Variants in FGF12 observed in about 807,000 individuals in gnomAD.
FGF12 encodes fibroblast growth factor 12.
A neutral mutation model predicts 23.6 loss-of-function variants in FGF12; 14 were observed. The ratio of observed to expected loss-of-function variants is 0.59; its 90% CI spans 0.39 to 0.93. The LOEUF is 0.93. Among genes scored for constraint, FGF12 ranks in the 40% least tolerant of loss-of-function variants. The probability of loss-of-function intolerance (pLI) is 0.00; values close to 1 mark genes in which losing one functional copy is unlikely to be tolerated. For synonymous variants in FGF12, 62 were observed against 77.3 expected (o/e 0.80, Z 1.04); for missense variants, 175 against 217.8 (o/e 0.80, Z 1.24).
chr3:192,155,222 C>G (rs1479989769), intron 5 of FGF12, among the ~76,000 whole-genome samples: 5 of 152,158 alleles, frequency 3.3e-5, no homozygotes, highest in Non-Finnish European at 7.3e-5. Flanking sequence ...CTGGCACTCC[C>G]TAGTGAGATG....
Position 192,360,459 on chromosome 3 carries a change from A to C in FGF12, c.93T>G (p.Ile31Met). 1 of 1,612,218 alleles carries C rather than the reference A, an allele frequency of 6.2e-7. No individual in the cohort carries two copies. Among genetic ancestry groups the C allele is most frequent in the Non-Finnish European group, 8.5e-7 (1 of 1,178,318 alleles). ...CGCTGTTTTCGTCCTTGGTCCCATC[A>C]ATGGTACCATCTGGGTGCATCTGCA... ...YFLQMHPDGT[I>M]DGTKDENSDY... The change falls in exon 3 of 6, where the codon ATT becomes ATG. Residue 31 changes from isoleucine to methionine, a missense_variant. By Grantham distance (10) the Ile-to-Met change is conservative. Transcript: ENST00000445105. This position sits in a 1 kb window ranked among gnomAD's most constrained non-coding sequence, Gnocchi z 4.3.
At chr3:192,181,633 T>A (rs934599777) in intron 4 of FGF12, among the ~76,000 whole-genome samples, 1 of 149,970 alleles carries the variant, frequency 6.7e-6, no homozygotes, top group African/African-American at 2.4e-5. Context: ...TAATTTGTTT[T>A]TTTTTTTTTT....
At chr3:192,166,916 A>G (rs1358708969) in intron 5 of FGF12, among the ~76,000 whole-genome samples, 1 of 152,168 alleles carries the variant, frequency 6.6e-6, no homozygotes, top group Non-Finnish European at 1.5e-5. Context: ...AAGTGAATCA[A>G]AGTATTAGTG....
intron 3 of FGF12, among the ~76,000 whole-genome samples, chr3:192,347,648 A>G (rs1718025691): frequency 6.6e-6 from 1 of 152,142 alleles, no homozygotes; most frequent in African/African-American, 2.4e-5. Context: ...TCTTATCTAA[A>G]TTAGACTTCG....
intron 2 of FGF12, among the ~76,000 whole-genome samples, chr3:192,480,677 A>T (rs930815333): frequency 1.3e-5 from 2 of 152,172 alleles, no homozygotes; most frequent in Non-Finnish European, 2.9e-5. Flanking sequence ...CTCTCCCTAC[A>T]CTGAAGCAAC....
intron 2 of FGF12, among the ~76,000 whole-genome samples, chr3:192,564,562 C>T (rs1712194844): frequency 6.6e-6 from 1 of 152,122 alleles, no homozygotes; most frequent in Non-Finnish European, 1.5e-5. Flanking sequence ...ATTGTCTTTC[C>T]TACTGTACAA....
intron 2 of FGF12, among the ~76,000 whole-genome samples, chr3:192,565,176 T>G (rs530871779): frequency 6.6e-6 from 1 of 152,244 alleles, no homozygotes; most frequent in Non-Finnish European, 1.5e-5. Context: ...TAATGAGAGT[T>G]CCAAGAAATA....
chr3:192,378,139 C>T (rs1719653178), intron 2 of FGF12, among the ~76,000 whole-genome samples: 1 of 142,418 alleles, frequency 7.0e-6, no homozygotes, highest in Admixed American at 7.2e-5. Flanking sequence ...TTCTCAGTGT[C>T]TCACTCTGTC....
intron 2 of FGF12, among the ~76,000 whole-genome samples, chr3:192,588,815 G>A (rs1156326302): frequency 6.6e-6 from 1 of 151,868 alleles, no homozygotes; most frequent in East Asian, 1.9e-4. Flanking sequence ...GAATTCCTGG[G>A]ATTTTTCTTT....
intron 2 of FGF12, among the ~76,000 whole-genome samples, chr3:192,699,800 A>C (rs970663802): frequency 2.0e-5 from 3 of 152,212 alleles, no homozygotes; most frequent in Non-Finnish European, 2.9e-5. Flanking sequence ...TTGATGCAAG[A>C]TCTTGATGTA....
chr3:192,676,001 A>T (rs1315881322), intron 2 of FGF12, among the ~76,000 whole-genome samples: 1 of 152,208 alleles, frequency 6.6e-6, no homozygotes, highest in African/African-American at 2.4e-5. Flanking sequence ...GTCAACTGAA[A>T]CTGGAGAGAC....
At chr3:192,667,397 A>C (rs1716924787) in intron 2 of FGF12, among the ~76,000 whole-genome samples, 1 of 151,918 alleles carries the variant, frequency 6.6e-6, no homozygotes, top group Non-Finnish European at 1.5e-5. Flanking sequence ...TGAAGTCAGG[A>C]ATTGGAGACC....
chr3:192,313,443 T>C (rs116493697), intron 4 of FGF12, among the ~76,000 whole-genome samples: 2,352 of 152,296 alleles, frequency 0.015, 65 homozygotes, highest in African/African-American at 0.055. Flanking sequence ...GAGAAAACCT[T>C]TTCCCATCTA....
intron 2 of FGF12, among the ~76,000 whole-genome samples, chr3:192,436,186 C>G: frequency 6.6e-6 from 1 of 152,046 alleles, no homozygotes; most frequent in East Asian, 1.9e-4. Context: ...AGATGGTGAT[C>G]CCACTTAAAT....
intron 3 of FGF12, among the ~76,000 whole-genome samples, chr3:192,341,677 A>C (rs1717698542): frequency 1.3e-5 from 2 of 152,208 alleles, no homozygotes; most frequent in African/African-American, 4.8e-5. Context: ...AGAAGATGAG[A>C]GAAAGTAACA....
At chr3:192,224,696 T>C (rs1007739102) in intron 4 of FGF12, among the ~76,000 whole-genome samples, 1 of 152,096 alleles carries the variant, frequency 6.6e-6, no homozygotes, top group Non-Finnish European at 1.5e-5. Context: ...ATCATAGTCC[T>C]ACCTCAGAAA....
At chr3:192,545,880 C>G (rs1033809170) in intron 2 of FGF12, among the ~76,000 whole-genome samples, 2 of 151,600 alleles carry the variant, frequency 1.3e-5, no homozygotes, top group African/African-American at 2.4e-5. Flanking sequence ...GCTACACTCT[C>G]TAAGACAAAT....
chr3:192,569,018 G>A (rs537971880), intron 2 of FGF12, among the ~76,000 whole-genome samples: 1 of 152,156 alleles, frequency 6.6e-6, no homozygotes, highest in Non-Finnish European at 1.5e-5. Flanking sequence ...GAGCAAAACA[G>A]GAGAAAACAG....
chr3:192,346,758 T>C (rs1038163177), intron 3 of FGF12, among the ~76,000 whole-genome samples: 3 of 152,152 alleles, frequency 2.0e-5, no homozygotes, highest in African/African-American at 7.2e-5. Flanking sequence ...CAGGCAACAA[T>C]GAATGTTGTG....
Sources: gnomAD v4.1 joint callset for allele counts (sites outside exome capture counted in the v4.1 genomes callset) on GRCh38, gnomAD v4.1.1 for gene constraint, Gnocchi (gnomAD v3.1) non-coding constraint, MANE v1.5 for transcripts, NCBI Gene and HGNC (gene_info 2026-07-23, HGNC 2026-07-21) for gene names.